TBC1D19: variants seen among roughly 807,000 people sequenced by gnomAD.
TBC1D19 encodes TBC1 domain family member 19.
TBC1D19 carries 60 observed loss-of-function variants against 89.0 expected under a neutral mutation model. The observed-to-expected ratio is 0.67, with a 90% confidence interval of 0.55 to 0.84. The LOEUF (loss-of-function observed/expected upper bound fraction) is 0.84, where lower values mean the gene tolerates loss of function less well. Ranked by LOEUF, TBC1D19 falls within the 40% of genes least tolerant of loss-of-function variation. The probability of loss-of-function intolerance (pLI) is 0.00; values close to 1 mark genes in which losing one functional copy is unlikely to be tolerated. For missense variants in TBC1D19, 500 were observed against 610.8 expected (o/e 0.82, Z 1.91); for synonymous variants, 189 against 199.7 (o/e 0.95, Z 0.45).
intron 13 of TBC1D19, among the ~76,000 whole-genome samples, chr4:26,699,690 A>G (rs1715143244): frequency 6.6e-6 from 1 of 152,200 alleles, no homozygotes; most frequent in African/African-American, 2.4e-5. Flanking sequence ...GCCATAAAAA[A>G]TGATGAGTTC....
At chr4:26,633,708 T>A (rs1169873704) in intron 4 of TBC1D19, among the ~76,000 whole-genome samples, 1 of 152,140 alleles carries the variant, frequency 6.6e-6, no homozygotes, top group Non-Finnish European at 1.5e-5. Context: ...AAGTCCTATG[T>A]GGCAATTTTT....
chr4:26,828,290 G>A, the TBC1D19 span, among the ~76,000 whole-genome samples: 4 of 152,290 alleles, frequency 2.6e-5, no homozygotes, highest in East Asian at 7.7e-4. Flanking sequence ...GCCTTAGAAG[G>A]AGGCAACATG....
chr4:26,770,508 T>C, the TBC1D19 span, among the ~76,000 whole-genome samples: 1 of 152,042 alleles, frequency 6.6e-6, no homozygotes, highest in Admixed American at 6.6e-5. Context: ...AATCTATAGT[T>C]CTTATTTCTT....
chr4:26,778,862 G>C, the TBC1D19 span, among the ~76,000 whole-genome samples: 3 of 152,094 alleles, frequency 2.0e-5, no homozygotes, highest in Non-Finnish European at 4.4e-5. Flanking sequence ...AGGTATTTTA[G>C]GCTATAATTC....
the TBC1D19 span, among the ~76,000 whole-genome samples, chr4:26,836,479 G>A: frequency 6.6e-6 from 1 of 152,180 alleles, no homozygotes; most frequent in Non-Finnish European, 1.5e-5. Flanking sequence ...TTTGTACTGG[G>A]CCCTTGTCCA....
At chr4:26,735,586 A>T (rs1717996726) in intron 16 of TBC1D19, 99 bp downstream of exon 16, 1 of 1,127,892 alleles carries the variant, frequency 8.9e-7, no homozygotes, top group Admixed American at 3.5e-5. Flanking sequence ...GTTTTACTAT[A>T]GTAAAACAAT....
At chr4:26,590,796 G>GGTTTTTTTTTT (rs1739721844) in intron 1 of TBC1D19, among the ~76,000 whole-genome samples, 1 of 52,958 alleles carries the variant, frequency 1.9e-5, no homozygotes, top group African/African-American at 8.3e-5. Flanking sequence ...TTGCAGGTCT[G>GGTTTTTTTTTT]TTTTTTTTTT....
chr4:26,780,182 A>G, the TBC1D19 span, among the ~76,000 whole-genome samples: 1 of 152,240 alleles, frequency 6.6e-6, no homozygotes, highest in Admixed American at 6.5e-5. Context: ...ACCTTAGGAT[A>G]TTCAACATAA....
At chr4:26,740,863 T>G (rs1718326413) in intron 17 of TBC1D19, 19 of 985,304 alleles carry the variant, frequency 1.9e-5, no homozygotes, top group Non-Finnish European at 2.0e-5. Flanking sequence ...CTATTTCACC[T>G]TCCTCCATCT....
At chr4:26,653,693 A>G (rs930039457) in intron 7 of TBC1D19, among the ~76,000 whole-genome samples, 7 of 152,136 alleles carry the variant, frequency 4.6e-5, no homozygotes, top group African/African-American at 1.4e-4. Flanking sequence ...CTAGGATTGC[A>G]ACCCCTGCCT....
chr4:26,857,406 G>T, the TBC1D19 span, among the ~76,000 whole-genome samples: 1 of 152,208 alleles, frequency 6.6e-6, no homozygotes, highest in Admixed American at 6.5e-5. Context: ...CCAGGGCCAC[G>T]CAGGGAAGTC....
the TBC1D19 span, among the ~76,000 whole-genome samples, chr4:26,769,939 A>G: frequency 5.9e-5 from 9 of 152,106 alleles, no homozygotes; most frequent in Non-Finnish European, 1.2e-4. Context: ...ATCTTCAAAC[A>G]ACCACTAAAA....
the TBC1D19 span, among the ~76,000 whole-genome samples, chr4:26,821,910 C>G: frequency 0.052 from 7,994 of 152,318 alleles, 291 homozygotes; most frequent in East Asian, 0.071. Flanking sequence ...GCCCTGGTGG[C>G]AGAAATGTTT....
intron 3 of TBC1D19, among the ~76,000 whole-genome samples, chr4:26,618,854 A>G (rs1412415815): frequency 6.6e-6 from 1 of 152,208 alleles, no homozygotes; most frequent in Admixed American, 6.5e-5. Flanking sequence ...TGGGTAGAAC[A>G]TCTTAGGTTA....
At chr4:26,681,047 C>A (rs1399802568) in intron 11 of TBC1D19, among the ~76,000 whole-genome samples, 2 of 151,958 alleles carry the variant, frequency 1.3e-5, no homozygotes, top group Admixed American at 1.3e-4. Flanking sequence ...TTCAAATGGC[C>A]AATAAATATA....
chr4:26,618,714 G>A (rs1474269999), intron 3 of TBC1D19, among the ~76,000 whole-genome samples: 3 of 152,212 alleles, frequency 2.0e-5, no homozygotes, highest in African/African-American at 4.8e-5. Context: ...TGGTGAATAA[G>A]GAAGACATCA....
the TBC1D19 span, among the ~76,000 whole-genome samples, chr4:26,824,779 A>G: frequency 6.6e-6 from 1 of 152,218 alleles, no homozygotes; most frequent in African/African-American, 2.4e-5. Flanking sequence ...ATAAATTCAC[A>G]TGGCCATATG....
In TBC1D19 at chr4:26,627,874, G is replaced by A. The variant is rs531329120; in HGVS notation, c.294+7186G>A. On this transcript the variant is annotated intron_variant, in intron 4 of 20. Coordinates refer to ENST00000264866, the MANE Select transcript of TBC1D19 (RefSeq NM_018317.4). The stretch of plus-strand genomic sequence containing the variant: ...TGATGGTAGTTTCTTTTGCTGTGCA[G>A]AAGCTCTTTAGTTTAATTAGATCCC... Among the ~76,000 whole-genome samples, 437 of 151,984 alleles carry A rather than the reference G, an allele frequency of 2.9e-3. 8 individuals are homozygous for A. Among genetic ancestry groups the A allele is most frequent in the African/African-American group, 0.01 (425 of 41,510 alleles).
intron 19 of TBC1D19, among the ~76,000 whole-genome samples, chr4:26,751,637 A>G (rs1718968772): frequency 6.6e-6 from 1 of 152,090 alleles, no homozygotes. Flanking sequence ...TGACTTTTAA[A>G]ATTTTACCAT....
Sources: allele counts gnomAD v4.1 joint callset (sites outside exome capture counted in the v4.1 genomes callset), GRCh38; gene constraint gnomAD v4.1.1; transcripts MANE v1.5; gene names NCBI Gene and HGNC (gene_info 2026-07-23, HGNC 2026-07-21).